DCTN1: variants seen among roughly 807,000 people sequenced by gnomAD.
DCTN1 encodes 150 kDa dynein-associated polypeptide.
DCTN1 carries 61 observed loss-of-function variants against 161.2 expected under a neutral mutation model. The observed-to-expected ratio is 0.38, with a 90% CI of 0.31 to 0.47. DCTN1 has a LOEUF of 0.47. Ranked by LOEUF, DCTN1 falls within the 20% of genes least tolerant of loss-of-function variation. DCTN1 has a pLI of 0.99. For missense variants in DCTN1, 1,404 were observed against 1,623.7 expected, an observed-to-expected ratio of 0.86 and a Z score of 2.33; for synonymous variants, 653 against 632.4, an observed-to-expected ratio of 1.03 and a Z score of -0.49.
rs115111494 is a variant in DCTN1 at position 74,378,600 on chromosome 2, C to A, written c.34-355G>T. Among the ~76,000 whole-genome samples, 194 of 152,302 alleles carry A rather than the reference C, an allele frequency of 1.3e-3. 1 individual carries two copies. The highest frequency in any genetic ancestry group is 4.2e-3 in the African/African-American group (175 of 41,572). ...GGGAAATAAGATCAAGCAAATAACT[C>A]AGTTTAGACCAGGCTCCCCACAACC... On this transcript the variant is annotated intron_variant, in intron 1 of 31. Coordinates refer to ENST00000628224, the MANE Select transcript of DCTN1 (RefSeq NM_004082.5).
At chr2:74,387,189 G>T (rs1675770461) in intron 1 of DCTN1, among the ~76,000 whole-genome samples, 3 of 152,098 alleles carry the variant, frequency 2.0e-5, no homozygotes. Context: ...ATCCTAACTT[G>T]ATCTCCCTGT....
At chr2:74,366,643 G>C (rs1282145871) in intron 21 of DCTN1, 23 bp from the exon 22 acceptor site, 1 of 1,612,818 alleles carries the variant, frequency 6.2e-7, no homozygotes, top group Admixed American at 1.7e-5. Context: ...CCAGAGTCAG[G>C]AGTCAACCCT....
At chr2:74,362,249 G>A in intron 30 of DCTN1, 108 bp from the exon 31 acceptor site, 1 of 932,606 alleles carries the variant, frequency 1.1e-6, no homozygotes, top group Admixed American at 2.0e-5. Flanking sequence ...CAGGGACTTA[G>A]TCCTCTATAT....
intron 1 of DCTN1, among the ~76,000 whole-genome samples, chr2:74,388,987 G>T (rs1675870555): frequency 6.6e-6 from 1 of 152,140 alleles, no homozygotes; most frequent in Admixed American, 6.6e-5. Context: ...TAAAAGTGCA[G>T]GAACAGCCCT....
chr2:74,390,540 A>C (rs1675944879), intron 1 of DCTN1: 1 of 403,270 alleles, frequency 2.5e-6, no homozygotes, highest in Non-Finnish European at 5.3e-6. Flanking sequence ...CAGAATTTTA[A>C]ATCTGAAAGA....
At chr2:74,377,522 T>C in intron 3 of DCTN1, 56 bp from the exon 4 acceptor site, 2 of 1,551,216 alleles carry the variant, frequency 1.3e-6, no homozygotes, top group South Asian at 1.1e-5. Flanking sequence ...TAGGGGGAGA[T>C]ATAATAAGGG....
chr2:74,364,975 C>G (rs572159844), intron 26 of DCTN1, 100 bp downstream of exon 26: 356 of 1,480,328 alleles, frequency 2.4e-4, no homozygotes, highest in Non-Finnish European at 3.2e-4. Context: ...TGGCTGAATA[C>G]CCGGGGGTAA....
chr2:74,365,731 G>A (rs939073299), intron 24 of DCTN1, 74 bp from the exon 25 acceptor site: 1 of 1,612,672 alleles, frequency 6.2e-7, no homozygotes, highest in African/African-American at 1.3e-5. Flanking sequence ...TAGACCATGA[G>A]ATAGTAGGTT....
At chr2:74,374,606 C>A (rs956793229) in intron 5 of DCTN1, 1 of 1,261,294 alleles carries the variant, frequency 7.9e-7, no homozygotes, top group African/African-American at 1.5e-5. Flanking sequence ...TCGCCAGGCT[C>A]CGGCAGGCAC....
intron 1 of DCTN1, among the ~76,000 whole-genome samples, chr2:74,388,066 T>G (rs1433759894): frequency 2.0e-5 from 3 of 152,088 alleles, no homozygotes; most frequent in African/African-American, 4.8e-5. Flanking sequence ...TGCATGCCTA[T>G]AGTACCAGTT....
At chr2:74,387,776 A>AATCT (rs1675808567) in intron 1 of DCTN1, among the ~76,000 whole-genome samples, 1 of 151,804 alleles carries the variant, frequency 6.6e-6, no homozygotes, top group African/African-American at 2.4e-5. Context: ...CTCCCCCTTC[A>AATCT]ATTTCCACAT....
chr2:74,369,819 A>AG lies in DCTN1; in HGVS notation c.1392+145_1392+146insC. On this transcript the variant is annotated intron_variant, in intron 13 of 31. Transcript: ENST00000628224. The surrounding 1 kb of genome is among the most constrained non-coding windows in gnomAD (Gnocchi z 4.9). ...AACAGAGCGAGATTCCATCTCAGAA[A>AG]AAAAAAAAAAAAAAAAAGGCAGGGT... The AG allele has an allele frequency of 2.1e-5, 13 of 615,336 alleles. No individual in the cohort carries two copies. The highest frequency in any genetic ancestry group is 3.1e-5 in the Non-Finnish European group (12 of 381,348). The allele number at this position is 615,336 out of a possible 1,614,324, so 38.1% of individuals were successfully genotyped here. A position where few individuals can be genotyped will look rare whatever the true frequency, so the allele number is the denominator to read the frequency against.
At chr2:74,383,455 C>T (rs1675599952), upstream of DCTN1, among the ~76,000 whole-genome samples, 1 of 152,180 alleles carries the variant, frequency 6.6e-6, no homozygotes, top group Admixed American at 6.5e-5. Flanking sequence ...AACAGGAAGG[C>T]AGTCTTGTTC....
chr2:74,374,687 C>A, intron 5 of DCTN1: 1 of 1,199,406 alleles, frequency 8.3e-7, no homozygotes, highest in Non-Finnish European at 1.1e-6. Context: ...ACCAGCTCCA[C>A]CTGACGTCAT....
intron 8 of DCTN1, 32 bp from the exon 9 acceptor site, chr2:74,371,208 AG>A: frequency 6.2e-7 from 1 of 1,611,102 alleles, no homozygotes; most frequent in Non-Finnish European, 8.5e-7. Flanking sequence ...GTCTGTGCAC[AG>A]CCCACTCCTC....
At chr2:74,376,707 C>G in intron 5 of DCTN1, 35 bp downstream of exon 5, 1 of 1,591,410 alleles carries the variant, frequency 6.3e-7, no homozygotes, top group Non-Finnish European at 8.6e-7. Context: ...GCTCATGGCC[C>G]CCATCCACCC....
chr2:74,388,426 G>A (rs953066809), intron 1 of DCTN1, among the ~76,000 whole-genome samples: 4 of 152,150 alleles, frequency 2.6e-5, no homozygotes, highest in Non-Finnish European at 4.4e-5. Context: ...GAATCCGGTC[G>A]CATCAATCAC....
chr2:74,365,300 T>TCA, intron 25 of DCTN1, 59 bp from the exon 26 acceptor site: 1 of 1,604,518 alleles, frequency 6.2e-7, no homozygotes. Flanking sequence ...CCTTGACTAT[T>TCA]CAGTCCTGAG....
intron 6 of DCTN1, 28 bp from the exon 7 acceptor site, chr2:74,372,976 A>G (rs779472325): frequency 6.2e-7 from 1 of 1,612,898 alleles, no homozygotes; most frequent in Non-Finnish European, 8.5e-7. Context: ...GCCAGAAGAG[A>G]AGTAGTCAGG....
Sources: allele counts gnomAD v4.1 joint callset (sites outside exome capture counted in the v4.1 genomes callset), GRCh38; gene constraint gnomAD v4.1.1; non-coding constraint Gnocchi (gnomAD v3.1); transcripts MANE v1.5; gene names NCBI Gene and HGNC (gene_info 2026-07-23, HGNC 2026-07-21).